The following SMARCC1 variants were observed in gnomAD, a reference collection of about 807,000 sequenced individuals.
The protein encoded by SMARCC1 is SWI/SNF complex subunit SMARCC1.
A neutral mutation model predicts 147.4 loss-of-function variants in SMARCC1; 43 were observed. That is an observed-to-expected ratio of 0.29 (90% CI 0.23 to 0.38). The LOEUF (loss-of-function observed/expected upper bound fraction) is 0.38, where lower values mean the gene tolerates loss of function less well. Ranked by LOEUF, SMARCC1 falls within the 10% of genes least tolerant of loss-of-function variation. The pLI, the probability that SMARCC1 is intolerant of heterozygous loss-of-function variation, is 1.00. For synonymous variants in SMARCC1, 495 were observed against 484.4 expected, an observed-to-expected ratio of 1.02 and a Z score of -0.29; for missense variants, 1,119 against 1,381.1, an observed-to-expected ratio of 0.81 and a Z score of 3.01.
rs548964082 is a variant in SMARCC1, at chr3:47,636,779, AATAT to A, written c.2377-647_2377-644del. Among the ~76,000 whole-genome samples, 146 of 80,988 alleles carry A rather than the reference AATAT, an allele frequency of 1.8e-3. 3 individuals carry two copies. Among genetic ancestry groups the A allele is most frequent in the East Asian group, 5.7e-3 (15 of 2,638 alleles). 53.1% of individuals were successfully genotyped at this position (80,988 alleles called of 152,430 possible). A position where few individuals can be genotyped will look rare whatever the true frequency, so the allele number is the denominator to read the frequency against. ...TCAAAAACAACAACAACCACAACAA[AATAT>A]ATATATGTGTGTGTGTGTGTGTGTG... On this transcript the variant is annotated intron_variant, in intron 22 of 27. Transcript: ENST00000254480.
chr3:47,747,127 C>T (rs993724944), intron 2 of SMARCC1, among the ~76,000 whole-genome samples: 2 of 151,864 alleles, frequency 1.3e-5, no homozygotes, highest in African/African-American at 4.8e-5. Flanking sequence ...GAGATCCTAC[C>T]TCTACAAAAA....
intron 19 of SMARCC1, among the ~76,000 whole-genome samples, chr3:47,666,588 T>TA (rs11306091): frequency 2.4e-4 from 33 of 140,272 alleles, no homozygotes; most frequent in African/African-American, 8.4e-4. Context: ...TTTTCCTAAT[T>TA]AAAAAAAAAA....
rs192041162 is a variant in SMARCC1 at position 47,773,645 on chromosome 3, T to C, written c.196-709A>G. On this transcript the variant is annotated intron_variant, in intron 1 of 27. Coordinates refer to ENST00000254480, the MANE Select transcript of SMARCC1 (RefSeq NM_003074.4). ...CTCTCAAAAAATTTTTTTTCTTTTT[T>C]TTTGAGACAGAGTCTTGTTTTTCAC... Among the ~76,000 whole-genome samples, 303 of 152,202 alleles carry C rather than the reference T, an allele frequency of 2.0e-3. 3 individuals carry two copies. Among genetic ancestry groups the C allele is most frequent in the African/African-American group, 6.7e-3 (280 of 41,546 alleles).
At chr3:47,773,404 G>A (rs1237476644) in intron 1 of SMARCC1, among the ~76,000 whole-genome samples, 1 of 136,618 alleles carries the variant, frequency 7.3e-6, no homozygotes, top group Non-Finnish European at 1.6e-5. Flanking sequence ...TAAATCTCCT[G>A]TGTTTTTTAC....
At position 47,710,664 on chromosome 3, in the gene SMARCC1, A is replaced by G. The variant is rs770752476; in HGVS notation, c.918+19T>C. 2 of 1,611,006 alleles carry G rather than the reference A, an allele frequency of 1.2e-6. No individual in the cohort carries two copies. The highest frequency in any genetic ancestry group is 1.7e-5 in the Admixed American group (1 of 59,362). ...AAGAAGACAGACTTAATGATGAGAA[A>G]CTGTGCCAAAGAAAATACCTCTTCA... On this transcript the variant is annotated intron_variant, in intron 9 of 27. Coordinates refer to ENST00000254480, the MANE Select transcript of SMARCC1 (RefSeq NM_003074.4).
intron 24 of SMARCC1, among the ~76,000 whole-genome samples, chr3:47,625,706 A>C (rs1392187233): frequency 2.0e-5 from 3 of 152,216 alleles, no homozygotes; most frequent in Non-Finnish European, 4.4e-5. Flanking sequence ...CTAAATATAA[A>C]AGTATACACT....
At chr3:47,645,077 G>A (rs1338853335) in intron 21 of SMARCC1, among the ~76,000 whole-genome samples, 5 of 152,048 alleles carry the variant, frequency 3.3e-5, no homozygotes, top group Non-Finnish European at 7.4e-5. Context: ...TAGAGACTAG[G>A]AGTTTGAGAA....
chr3:47,747,906 C>T (rs781384023), intron 2 of SMARCC1, among the ~76,000 whole-genome samples: 13 of 152,154 alleles, frequency 8.5e-5, no homozygotes, highest in Non-Finnish European at 1.6e-4. Flanking sequence ...GCCTGTAATC[C>T]CAGCACTTTG....
intron 10 of SMARCC1, among the ~76,000 whole-genome samples, chr3:47,704,268 T>C (rs958664271): frequency 6.6e-6 from 1 of 152,138 alleles, no homozygotes; most frequent in African/African-American, 2.4e-5. Flanking sequence ...TGCAGATGAA[T>C]GAAACAAAAG....
intron 2 of SMARCC1, among the ~76,000 whole-genome samples, chr3:47,757,071 C>T (rs1430785707): frequency 6.6e-6 from 1 of 151,824 alleles, no homozygotes; most frequent in East Asian, 1.9e-4. Context: ...GGCAATCAGG[C>T]GAGACTGTCT....
intron 2 of SMARCC1, among the ~76,000 whole-genome samples, chr3:47,750,434 A>T (rs761578886): frequency 1.3e-5 from 2 of 152,084 alleles, no homozygotes; most frequent in Non-Finnish European, 2.9e-5. Flanking sequence ...ACTCCATCTC[A>T]AAAATAAATA....
intron 21 of SMARCC1, among the ~76,000 whole-genome samples, chr3:47,657,946 A>G (rs775011139): frequency 6.6e-6 from 1 of 152,098 alleles, no homozygotes; most frequent in Admixed American, 6.6e-5. Context: ...ACTAAATAAG[A>G]TCTCAAATAA....
intron 21 of SMARCC1, among the ~76,000 whole-genome samples, chr3:47,644,449 T>C (rs540098377): frequency 3.9e-5 from 6 of 152,232 alleles, no homozygotes; most frequent in African/African-American, 1.4e-4. Flanking sequence ...TAAGCTATGA[T>C]TGTACCTCTG....
chr3:47,631,110 G>A (rs913404977), intron 24 of SMARCC1, among the ~76,000 whole-genome samples: 12 of 151,612 alleles, frequency 7.9e-5, no homozygotes, highest in Admixed American at 7.9e-4. Flanking sequence ...GAGAGAAGGA[G>A]AGAGAAAGAG....
chr3:47,733,410 C>CAAAAAT (rs2034400375), intron 5 of SMARCC1, among the ~76,000 whole-genome samples: 1 of 151,524 alleles, frequency 6.6e-6, no homozygotes, highest in Non-Finnish European at 1.5e-5. Flanking sequence ...CCTGTCTCTT[C>CAAAAAT]AAAAATAAAA....
chr3:47,631,562 C>T (rs959063907), intron 24 of SMARCC1, among the ~76,000 whole-genome samples: 5 of 152,180 alleles, frequency 3.3e-5, no homozygotes, highest in African/African-American at 9.7e-5. Flanking sequence ...ACACACCACT[C>T]CTTTAGTTGA....
intron 18 of SMARCC1, among the ~76,000 whole-genome samples, chr3:47,672,407 C>T (rs982174631): frequency 1.3e-5 from 2 of 152,008 alleles, no homozygotes; most frequent in East Asian, 1.9e-4. Context: ...AGGGTTTCAC[C>T]GTGTTAGCCA....
Position 47,719,884 on chromosome 3 carries a change from C to T in SMARCC1, c.716+782G>A, listed in dbSNP as rs905970863. 9.3e-5 allele frequency among the ~76,000 whole-genome samples: 14 copies of T among 150,536 alleles called. No homozygotes were observed. In the East Asian group the frequency reaches 1.4e-3, roughly 15 times the overall value. On this transcript the variant is annotated intron_variant, in intron 7 of 27. Transcript: ENST00000254480. ...CTGAGTAGCTGGGATTACAGGCGTGCGCTACCATGTCTGGTTAACTTTTTA... is the reference window on the plus strand; with the variant it reads ...CTGAGTAGCTGGGATTACAGGCGTGTGCTACCATGTCTGGTTAACTTTTTA...
At position 47,662,503 on chromosome 3, in the gene SMARCC1, T is replaced by C. The variant is rs373162926; in HGVS notation, c.1989A>G (p.Arg663=). The C allele has an allele frequency of 6.2e-7, 1 of 1,613,916 alleles. No individual in the cohort carries two copies. Among genetic ancestry groups the C allele is most frequent in the African/African-American group, 1.3e-5 (1 of 74,904 alleles). The part of the protein sequence containing the change: ...TQDECILHFL[R]LPIEDPYLEN... ...CAAGGTATGGGTCCTCAATGGGAAG[T>C]CTCAAAAAGTGGAGGATGCATTCAT... Residue 663 remains arginine (R), a synonymous_variant, in exon 20 of 28, where the codon AGA becomes AGG. Transcript: ENST00000254480.
Sources: gnomAD v4.1 joint callset for allele counts (sites outside exome capture counted in the v4.1 genomes callset) on GRCh38, gnomAD v4.1.1 for gene constraint, MANE v1.5 for transcripts, NCBI Gene and HGNC (gene_info 2026-07-23, HGNC 2026-07-21) for gene names.